Variants in RAF1 observed in about 807,000 individuals in gnomAD.
RAF1 encodes RAF proto-oncogene serine/threonine-protein kinase.
RAF1 carries 27 observed loss-of-function variants against 81.1 expected under a neutral mutation model. The observed-to-expected ratio is 0.33, with a 90% confidence interval of 0.25 to 0.46. The LOEUF (loss-of-function observed/expected upper bound fraction) is 0.46. Ranked by LOEUF, RAF1 falls within the 20% of genes least tolerant of loss-of-function variation. The pLI is 1.00. For missense variants in RAF1, 598 were observed against 826.0 expected (o/e 0.72, Z 3.38); for synonymous variants, 298 against 294.0 (o/e 1.01, Z -0.14).
chr3:12,589,739 T>C (rs1406333868), intron 13 of RAF1: 1 of 151,846 alleles, frequency 6.6e-6, no homozygotes, highest in Non-Finnish European at 1.5e-5. Context: ...CACTCTAGCA[T>C]AGGTGACAGA....
intron 1 of RAF1, among the ~76,000 whole-genome samples, chr3:12,642,332 A>G (rs575338805): frequency 8.5e-6 from 1 of 117,224 alleles, no homozygotes; most frequent in Admixed American, 1.0e-4. Flanking sequence ...AAACAAAAAC[A>G]AACAAACAAA....
intron 1 of RAF1, among the ~76,000 whole-genome samples, chr3:12,622,789 A>T (rs187291812): frequency 6.6e-6 from 1 of 152,388 alleles, no homozygotes; most frequent in East Asian, 1.9e-4. Flanking sequence ...CTACAAAAAC[A>T]GTAATGTTTT....
chr3:12,603,339 G>T (rs556879738), intron 8 of RAF1: 1 of 541,986 alleles, frequency 1.8e-6, no homozygotes, highest in Non-Finnish European at 3.3e-6. Context: ...AAGAAAGAAA[G>T]AAAAAGAAAA....
rs2058519478 is a variant in RAF1 at position 12,591,699 on chromosome 3, T to TCTA, written c.1253+6_1253+8dup. The TCTA allele has an allele frequency of 1.2e-6, 2 of 1,613,226 alleles. No individual in the cohort carries two copies. The highest frequency in any genetic ancestry group is 1.7e-6 in the Non-Finnish European group (2 of 1,179,268). On this transcript the variant is annotated intron_variant, in intron 12 of 17. Coordinates refer to ENST00000442415, the MANE Select transcript of RAF1 (RefSeq NM_001354689.3). ...TCCAGAGGGACTGGACCGCCAGCTT[T>TCTA]CTACTCACCGCAGAACAGCCACCTC...
intron 3 of RAF1, 113 bp downstream of exon 3, chr3:12,611,837 T>C (rs1692679496): frequency 7.3e-6 from 6 of 822,126 alleles, no homozygotes; most frequent in East Asian, 2.4e-5. Flanking sequence ...AAGAAAGGTA[T>C]AGAAATATAC....
chr3:12,660,005 G>A (rs2125590677), intron 1 of RAF1, among the ~76,000 whole-genome samples: 1 of 152,244 alleles, frequency 6.6e-6, no homozygotes, highest in South Asian at 2.1e-4. Context: ...TGAAATAGTA[G>A]TTTAAAGTTA....
chr3:12,642,296 A>C (rs1575650850), intron 1 of RAF1, among the ~76,000 whole-genome samples: 1 of 85,306 alleles, frequency 1.2e-5, no homozygotes, highest in Admixed American at 1.1e-4. Context: ...TAAAAATACA[A>C]AAAAAAAAAA....
chr3:12,652,572 A>G (rs1319758738), intron 1 of RAF1, among the ~76,000 whole-genome samples: 1 of 152,124 alleles, frequency 6.6e-6, no homozygotes, highest in Non-Finnish European at 1.5e-5. Context: ...CATACATAAC[A>G]CCATTTGCAC....
intron 11 of RAF1, among the ~76,000 whole-genome samples, chr3:12,593,554 T>C (rs902267081): frequency 2.0e-5 from 3 of 152,190 alleles, no homozygotes; most frequent in Non-Finnish European, 4.4e-5. Flanking sequence ...GTGTTTGCCA[T>C]GGGCTGCCGG....
intron 13 of RAF1, chr3:12,588,880 C>T (rs1462273706): frequency 6.6e-6 from 1 of 152,134 alleles, no homozygotes; most frequent in African/African-American, 2.4e-5. Context: ...GGATGGATTC[C>T]TCACAAACGG....
chr3:12,606,375 G>C, intron 5 of RAF1, 76 bp from the exon 6 acceptor site: 1 of 1,083,518 alleles, frequency 9.2e-7, no homozygotes. Flanking sequence ...CCTTGCTTTT[G>C]CAAACTCAGA....
At chr3:12,638,763 T>C (rs577717139) in intron 1 of RAF1, among the ~76,000 whole-genome samples, 1 of 152,288 alleles carries the variant, frequency 6.6e-6, no homozygotes, top group South Asian at 2.1e-4. Context: ...AAAATGGGCA[T>C]GGTGGCTCAT....
intron 1 of RAF1, among the ~76,000 whole-genome samples, chr3:12,636,272 C>A (rs541354727): frequency 6.7e-6 from 1 of 148,878 alleles, no homozygotes; most frequent in Non-Finnish European, 1.5e-5. Context: ...GGTGACAGAG[C>A]GAGACTCCAT....
In RAF1 at chr3:12,647,437, C is replaced by CA. The variant is rs537698866; in HGVS notation, c.-27+16375dup. Among the ~76,000 whole-genome samples the CA allele has an allele frequency of 5.9e-5, 9 of 151,464 alleles. No individual in the cohort carries two copies. In the South Asian group the frequency reaches 1.9e-3, roughly 31 times the overall value. ...ACAACATGGAGAAACCCCATCTCTA[C>CA]AAAAAATCAGCCATGCACGGTGTAG... On this transcript the variant is annotated intron_variant, in intron 1 of 17. Transcript: ENST00000442415.
rs892863995 is a variant in RAF1, at chr3:12,663,844, C to G, written c.-58G>C. 2 of 397,880 alleles carry G rather than the reference C, an allele frequency of 5.0e-6. No homozygotes were observed. Among genetic ancestry groups the G allele is most frequent in the East Asian group, 7.1e-5 (2 of 28,020 alleles). The allele number at this position is 397,880 out of a possible 1,614,324, so 24.6% of individuals were successfully genotyped here. On this transcript the variant is annotated 5_prime_UTR_variant, in exon 1 of 18. Transcript: ENST00000442415. ...GAGCCAGGCCGCCCCAACGTCCTGT[C>G]GTTCGGCGGCAGCTTCTCGCCCGCT...
chr3:12,622,966 C>T (rs1188643119), intron 1 of RAF1, among the ~76,000 whole-genome samples: 1 of 152,030 alleles, frequency 6.6e-6, no homozygotes, highest in Non-Finnish European at 1.5e-5. Context: ...AGTTCAAGAC[C>T]AGCCTGGTCA....
intron 1 of RAF1, among the ~76,000 whole-genome samples, chr3:12,640,736 A>C: frequency 2.4e-5 from 1 of 41,842 alleles, no homozygotes. Flanking sequence ...GAGGATGTGG[A>C]GAAATAGAAC....
intron 2 of RAF1, among the ~76,000 whole-genome samples, chr3:12,616,039 G>A (rs1163582304): frequency 1.9e-4 from 29 of 151,884 alleles, no homozygotes; most frequent in Non-Finnish European, 7.4e-5. Flanking sequence ...GTGACAGTGA[G>A]AGCCTCCATC....
chr3:12,630,097 C>G (rs1356207897), intron 1 of RAF1, among the ~76,000 whole-genome samples: 1 of 152,102 alleles, frequency 6.6e-6, no homozygotes, highest in East Asian at 1.9e-4. Context: ...TATATTTTTA[C>G]TTACAATAAA....
Sources: allele counts gnomAD v4.1 joint callset (sites outside exome capture counted in the v4.1 genomes callset), GRCh38; gene constraint gnomAD v4.1.1; transcripts MANE v1.5; gene names NCBI Gene and HGNC (gene_info 2026-07-23, HGNC 2026-07-21).